The following UBE3D variants were observed in gnomAD, a reference collection of about 807,000 sequenced individuals.
The protein encoded by UBE3D is ubiquitin protein ligase E3D, also known as E3 ubiquitin-protein ligase E3D.
In UBE3D, 48 loss-of-function variants were observed where a neutral mutation model predicts 49.6. The observed-to-expected ratio is 0.97, with a 90% confidence interval of 0.77 to 1.23. The LOEUF is 1.23. Ranked by LOEUF, UBE3D falls within the 50% of genes most tolerant of loss-of-function variation. The probability of loss-of-function intolerance (pLI) is 0.00; values close to 1 mark genes in which losing one functional copy is unlikely to be tolerated. For synonymous variants in UBE3D, 189 were observed against 174.2 expected (o/e 1.08, Z -0.67); for missense variants, 452 against 468.4 (o/e 0.96, Z 0.32).
At chr6:82,907,398 G>T (rs186838751) in intron 9 of UBE3D, among the ~76,000 whole-genome samples, 5 of 152,310 alleles carry the variant, frequency 3.3e-5, no homozygotes, top group Non-Finnish European at 5.9e-5. Context: ...AATCCAGAAG[G>T]CATGTTTCAC....
chr6:83,025,626 T>C (rs552258108), intron 5 of UBE3D, among the ~76,000 whole-genome samples: 1 of 152,222 alleles, frequency 6.6e-6, no homozygotes, highest in South Asian at 2.1e-4. Flanking sequence ...CTCACGCCTG[T>C]AATCCCAGCA....
At chr6:83,002,400 G>C (rs968047932) in intron 8 of UBE3D, among the ~76,000 whole-genome samples, 3 of 151,996 alleles carry the variant, frequency 2.0e-5, no homozygotes, top group Non-Finnish European at 2.9e-5. Context: ...AAAAGGGCTA[G>C]TGGGCCAAGC....
rs923246693 is a variant in UBE3D at position 82,966,566 on chromosome 6, C to T, written c.1011-9116G>A. Among the ~76,000 whole-genome samples, 15 of 75,348 alleles carry T rather than the reference C, an allele frequency of 2.0e-4. 2 individuals are homozygous for T. Among genetic ancestry groups the T allele is most frequent in the Admixed American group, 1.4e-3 (11 of 8,088 alleles). 49.4% of individuals were successfully genotyped at this position (75,348 alleles called of 152,430 possible). A position where few individuals can be genotyped will look rare whatever the true frequency, so the allele number is the denominator to read the frequency against. ...TCGGGAGGCTGAGGCAGGAGAATGG[C>T]GTGAACCCGGGAGGCGGAGCTTGCA... On this transcript the variant is annotated intron_variant, in intron 8 of 9. Coordinates refer to ENST00000369747, the MANE Select transcript of UBE3D (RefSeq NM_198920.3).
At chr6:82,899,859 T>C (rs1771599739) in intron 9 of UBE3D, among the ~76,000 whole-genome samples, 1 of 151,332 alleles carries the variant, frequency 6.6e-6, no homozygotes, top group South Asian at 2.1e-4. Flanking sequence ...ACTTTACTAA[T>C]GAGAGCAAAC....
At chr6:82,884,233 G>C in the UBE3D span, among the ~76,000 whole-genome samples, 1 of 152,100 alleles carries the variant, frequency 6.6e-6, no homozygotes, top group Non-Finnish European at 1.5e-5. Context: ...CTATACCCTA[G>C]ACAGTGAAAC....
chr6:82,897,092 GC>G (rs1288247509), intron 9 of UBE3D, among the ~76,000 whole-genome samples: 2 of 151,800 alleles, frequency 1.3e-5, no homozygotes, highest in African/African-American at 4.8e-5. Flanking sequence ...ACATAGAAAG[GC>G]TTTAGAAAGG....
intron 8 of UBE3D, among the ~76,000 whole-genome samples, chr6:82,998,463 A>G (rs888034389): frequency 6.6e-6 from 1 of 152,218 alleles, no homozygotes; most frequent in Non-Finnish European, 1.5e-5. Flanking sequence ...TATACTTATC[A>G]TCTCACATTA....
chr6:83,062,856 T>C (rs767685016), intron 1 of UBE3D, among the ~76,000 whole-genome samples: 13 of 152,142 alleles, frequency 8.5e-5, no homozygotes, highest in African/African-American at 1.7e-4. Flanking sequence ...CTGATGGTGA[T>C]AGAATAAATG....
At chr6:83,046,424 T>C (rs925018372) in intron 3 of UBE3D, among the ~76,000 whole-genome samples, 1 of 152,142 alleles carries the variant, frequency 6.6e-6, no homozygotes, top group Non-Finnish European at 1.5e-5. Flanking sequence ...AATTAGTATA[T>C]GCTGCACCAT....
intron 9 of UBE3D, among the ~76,000 whole-genome samples, chr6:82,933,632 C>A (rs766175765): frequency 6.6e-6 from 1 of 152,186 alleles, no homozygotes. Context: ...ATGGCCACAA[C>A]TTGCCTTTTT....
rs376722930 is a variant in UBE3D, at chr6:82,957,466, A to G, written c.1011-16T>C. On this transcript the variant is annotated splice_polypyrimidine_tract_variant and intron_variant, in intron 8 of 9. Transcript: ENST00000369747. Reference sequence around the variant, plus strand: ...GCTGACAAGTCTGGAACACACCAACACATTAACTTTCAAAAATGCATTATC... The same window carrying G: ...GCTGACAAGTCTGGAACACACCAACGCATTAACTTTCAAAAATGCATTATC... 1.6e-4 allele frequency: 247 copies of G among 1,592,552 alleles called. No individual in the cohort carries two copies. The African/African-American group carries it at 3.2e-3, about 21-fold the overall frequency.
chr6:82,904,847 C>T (rs1037361015), intron 9 of UBE3D, among the ~76,000 whole-genome samples: 1 of 152,086 alleles, frequency 6.6e-6, no homozygotes, highest in Non-Finnish European at 1.5e-5. Flanking sequence ...GATATTGCAT[C>T]TGAAGAAGAA....
intron 9 of UBE3D, among the ~76,000 whole-genome samples, chr6:82,894,328 C>T (rs1771154068): frequency 1.3e-5 from 2 of 152,126 alleles, no homozygotes; most frequent in South Asian, 4.1e-4. Context: ...AGGAACATTG[C>T]TATCATATCT....
intron 9 of UBE3D, among the ~76,000 whole-genome samples, chr6:82,913,252 T>A (rs1772659577): frequency 6.6e-6 from 1 of 152,196 alleles, no homozygotes; most frequent in African/African-American, 2.4e-5. Flanking sequence ...AAAGTTTCTA[T>A]CACTGTACTG....
intron 9 of UBE3D, among the ~76,000 whole-genome samples, chr6:82,924,075 C>A (rs1264530915): frequency 4.7e-5 from 7 of 150,006 alleles, no homozygotes; most frequent in Non-Finnish European, 1.0e-4. Context: ...CATGCATATG[C>A]ACAAGCAGCG....
chr6:83,018,803 T>C (rs1582652946), intron 8 of UBE3D, 170 bp downstream of exon 8: 3 of 717,698 alleles, frequency 4.2e-6, no homozygotes, highest in East Asian at 3.0e-5. Context: ...ACATGAATCA[T>C]CTGTAATAAT....
intron 8 of UBE3D, among the ~76,000 whole-genome samples, chr6:82,968,735 G>C (rs1362076992): frequency 6.6e-6 from 1 of 152,134 alleles, no homozygotes; most frequent in African/African-American, 2.4e-5. Flanking sequence ...AAGTTTGATG[G>C]AAGTAAAATT....
chr6:82,943,833 T>C (rs1775200112), intron 9 of UBE3D, among the ~76,000 whole-genome samples: 1 of 151,954 alleles, frequency 6.6e-6, no homozygotes, highest in Admixed American at 6.5e-5. Flanking sequence ...GTGCAGTGAA[T>C]ATGAGACTTC....
the UBE3D span, among the ~76,000 whole-genome samples, chr6:82,885,514 G>C: frequency 6.6e-6 from 1 of 152,094 alleles, no homozygotes; most frequent in South Asian, 2.1e-4. Flanking sequence ...TGAGACAAAT[G>C]CTATTTTTTT....
Sources: gnomAD v4.1 joint callset for allele counts (sites outside exome capture counted in the v4.1 genomes callset) on GRCh38, gnomAD v4.1.1 for gene constraint, MANE v1.5 for transcripts, NCBI Gene and HGNC (gene_info 2026-07-23, HGNC 2026-07-21) for gene names.